The following PGAP6 variants were observed in gnomAD, a reference collection of about 807,000 sequenced individuals.
The protein encoded by PGAP6 is post-GPI attachment to proteins factor 6.
A neutral mutation model predicts 68.4 loss-of-function variants in PGAP6; 62 were observed. The observed-to-expected ratio is 0.91, with a 90% CI of 0.74 to 1.12. PGAP6 has a LOEUF of 1.12. PGAP6 is among the 50% of genes most tolerant of loss of function. The pLI, the probability that PGAP6 is intolerant of heterozygous loss-of-function variation, is 0.00. For missense variants in PGAP6, 1,188 were observed against 1,068.5 expected, an observed-to-expected ratio of 1.11 and a Z score of -1.56; for synonymous variants, 575 against 474.0, an observed-to-expected ratio of 1.21 and a Z score of -2.77.
chr16:385,040 C>T (rs2054472312), upstream of PGAP6, among the ~76,000 whole-genome samples: 1 of 151,052 alleles, frequency 6.6e-6, no homozygotes, highest in Admixed American at 6.6e-5. Context: ...GTGACATGAG[C>T]CTGTAATCCC....
At chr16:383,073 G>A (rs1436867687), upstream of PGAP6, among the ~76,000 whole-genome samples, 2 of 152,000 alleles carry the variant, frequency 1.3e-5, no homozygotes, top group South Asian at 2.1e-4. Context: ...CCGAGATCGC[G>A]CCACCGCACT....
intron 6 of PGAP6, 149 bp downstream of exon 6, chr16:375,987 G>C: frequency 1.2e-6 from 1 of 801,628 alleles, no homozygotes; most frequent in Non-Finnish European, 1.9e-6. Context: ...AGCAGGGGAG[G>C]CCCCCCAACA....
At chr16:380,448 C>T (rs970116959) in intron 1 of PGAP6, among the ~76,000 whole-genome samples, 1 of 151,790 alleles carries the variant, frequency 6.6e-6, no homozygotes, top group African/African-American at 2.4e-5. Context: ...CTCACCGCAA[C>T]CTCTGCCTCC....
intron 1 of PGAP6, among the ~76,000 whole-genome samples, chr16:378,218 C>T (rs1329801030): frequency 6.7e-6 from 1 of 149,286 alleles, no homozygotes; most frequent in Non-Finnish European, 1.5e-5. Context: ...ACTGCCATCG[C>T]CACCCTGACT....
intron 11 of PGAP6, among the ~76,000 whole-genome samples, chr16:373,732 G>A (rs74340195): frequency 7.9e-4 from 121 of 152,318 alleles, no homozygotes; most frequent in African/African-American, 2.7e-3. Context: ...TACAGCCCAG[G>A]CTGCTCTTGA....
chr16:372,587 G>T (rs1226536861), intron 12 of PGAP6, 24 bp downstream of exon 12: 2 of 1,569,206 alleles, frequency 1.3e-6, no homozygotes, highest in Non-Finnish European at 8.8e-7. Context: ...CTGGGCAGCA[G>T]TGCCAGCCAG....
Position 377,183 on chromosome 16 carries a change from T to G in PGAP6, c.508-19A>C, listed in dbSNP as rs1173309750. ...CCAAGCCCTAGGGAAAGAACAGGTG[T>G]GGGCGGGGGCGGTGTCAGAGAATGC... is the stretch of plus-strand genomic sequence containing the variant. On this transcript the variant is annotated intron_variant, in intron 3 of 12. Transcript: ENST00000431232. 8 of 1,612,658 alleles carry G rather than the reference T, an allele frequency of 5.0e-6. No homozygotes were observed. Among genetic ancestry groups the G allele is most frequent in the Non-Finnish European group, 6.8e-6 (8 of 1,179,942 alleles).
chr16:372,384 C>T (rs1444558266), intron 12 of PGAP6, 101 bp from the exon 13 acceptor site: 23 of 1,327,872 alleles, frequency 1.7e-5, no homozygotes, highest in Admixed American at 4.1e-5. Flanking sequence ...CAGGTCTGGG[C>T]AGCAGAACGA....
In PGAP6 at chr16:370,987, G is replaced by C. The variant is rs1387374056; in HGVS notation, c.*1000C>G. Reference sequence around the variant, plus strand: ...TGGGGGAGGTAAGACCTTCAGGAAGGCCATATCCCGGACAAGACCCAGAAG... The same window carrying C: ...TGGGGGAGGTAAGACCTTCAGGAAGCCCATATCCCGGACAAGACCCAGAAG... On this transcript the variant is annotated 3_prime_UTR_variant, in exon 13 of 13. Transcript: ENST00000431232. The C allele has an allele frequency of 6.6e-6, 1 of 152,216 alleles. No individual in the cohort carries two copies. Among genetic ancestry groups the C allele is most frequent in the African/African-American group, 2.4e-5 (1 of 41,406 alleles). The allele number at this position is 152,216 out of a possible 1,614,324, so 9.4% of individuals were successfully genotyped here.
chr16:373,951 C>T, intron 11 of PGAP6, 54 bp downstream of exon 11: 2 of 1,534,078 alleles, frequency 1.3e-6, no homozygotes, highest in South Asian at 2.4e-5. Flanking sequence ...TCGCAGGCTG[C>T]ACTTGGGGGC....
chr16:381,732 CG>C lies in PGAP6; in HGVS notation c.89del (p.Pro30ArgfsTer104). On this transcript the variant is annotated frameshift_variant, in exon 1 of 13. Transcript: ENST00000431232. LOFTEE classifies it high-confidence loss of function. ...PLLLLLLARP[P>X]PASAGYSGKS... ...TCCCGCTGTAGCCGGCGGAGGCAGG[CG>C]GGGGCCGGGCAAGCAGCAGCAGCAG... 1 of 1,212,720 alleles carries C rather than the reference CG, an allele frequency of 8.2e-7. No individual in the cohort carries two copies. The highest frequency in any genetic ancestry group is 1.0e-6 in the Non-Finnish European group (1 of 974,436). 75.1% of individuals were successfully genotyped at this position (1,212,720 alleles called of 1,614,324 possible).
chr16:381,729 AGGCGGGGGCC>A lies in PGAP6; in HGVS notation c.83_92del (p.Arg28LeufsTer103). 1.7e-6 allele frequency: 2 copies of A among 1,210,784 alleles called. No homozygotes were observed. Among genetic ancestry groups the A allele is most frequent in the Non-Finnish European group, 1.0e-6 (1 of 973,804 alleles). 75.0% of individuals were successfully genotyped at this position (1,210,784 alleles called of 1,614,324 possible). A position where few individuals can be genotyped will look rare whatever the true frequency, so the allele number is the denominator to read the frequency against. On this transcript the variant is annotated frameshift_variant, in exon 1 of 13. Coordinates refer to ENST00000431232, the MANE Select transcript of PGAP6 (RefSeq NM_021259.3). LOFTEE classifies it high-confidence loss of function. The stretch of plus-strand genomic sequence containing the variant: ...TCTTCCCGCTGTAGCCGGCGGAGGC[AGGCGGGGGCC>A]GGGCAAGCAGCAGCAGCAGCAGCGG...
chr16:379,175 C>T (rs1044468917), intron 1 of PGAP6, among the ~76,000 whole-genome samples: 8 of 152,198 alleles, frequency 5.3e-5, no homozygotes, highest in Non-Finnish European at 8.8e-5. Context: ...TGCTGCAGCT[C>T]CCCCTCCCCA....
chr16:382,917 C>G (rs1293716520), upstream of PGAP6, among the ~76,000 whole-genome samples: 1 of 144,422 alleles, frequency 6.9e-6, no homozygotes, highest in Non-Finnish European at 1.5e-5. Flanking sequence ...CAGAAACGCT[C>G]CCCTAGAAAA....
chr16:382,298 G>C (rs2054451160), upstream of PGAP6: 3 of 391,526 alleles, frequency 7.7e-6, no homozygotes, highest in Non-Finnish European at 1.4e-5. Context: ...TCCCAGCTCC[G>C]CTCGGCCGGG....
At chr16:384,614 G>A (rs892197139), upstream of PGAP6, among the ~76,000 whole-genome samples, 2 of 152,214 alleles carry the variant, frequency 1.3e-5, no homozygotes, top group Non-Finnish European at 2.9e-5. Flanking sequence ...CCAGTACTTT[G>A]GGAGGCTGAG....
Position 377,828 on chromosome 16 carries a change from G to T in PGAP6, c.142C>A (p.His48Asn). The part of the protein sequence containing the change: ...GKSEVGLVSE[H>N]FSQAPQRLSF... ...AGCCTCTGCGGGGCCTGCGAGAAGT[G>T]CTCGGACACCAGCCCCACCTCTGTG... The change falls in exon 2 of 13, where the codon CAC becomes AAC. Residue 48 changes from histidine (H) to asparagine (N), a missense_variant. Coordinates refer to ENST00000431232, the MANE Select transcript of PGAP6 (RefSeq NM_021259.3). 6.4e-7 allele frequency: 1 copy of T among 1,562,338 alleles called. No individual in the cohort carries two copies. The highest frequency in any genetic ancestry group is 1.4e-5 in the African/African-American group (1 of 73,720).
upstream of PGAP6, chr16:382,266 G>A (rs1030084094): frequency 7.6e-6 from 3 of 393,084 alleles, no homozygotes; most frequent in African/African-American, 6.2e-5. Context: ...GCTCCGCGGG[G>A]CTTCCCCGCC....
intron 3 of PGAP6, 38 bp downstream of exon 3, chr16:377,340 G>A (rs976395159): frequency 5.1e-6 from 8 of 1,557,476 alleles, no homozygotes; most frequent in South Asian, 1.2e-5. Flanking sequence ...ATCGCCGCAA[G>A]GTTCTCTGCC....
Sources: gnomAD v4.1 joint callset for allele counts (sites outside exome capture counted in the v4.1 genomes callset) on GRCh38, gnomAD v4.1.1 for gene constraint, MANE v1.5 for transcripts, NCBI Gene and HGNC (gene_info 2026-07-23, HGNC 2026-07-21) for gene names.